Variants in SYNE1 observed in about 807,000 individuals in gnomAD.
The protein encoded by SYNE1 is nesprin-1.
Under a neutral mutation model 1,111.0 loss-of-function variants are expected in SYNE1, and 616 were observed. That is an observed-to-expected ratio of 0.55 (90% confidence interval 0.52 to 0.59). SYNE1 has a LOEUF of 0.59. Ranked by LOEUF, SYNE1 falls within the 20% of genes least tolerant of loss-of-function variation. SYNE1 has a pLI of 0.00. For synonymous variants in SYNE1, 3,855 were observed against 3,825.8 expected (o/e 1.01, Z -0.28); for missense variants, 10,006 against 10,417.0 (o/e 0.96, Z 1.72).
At chr6:152,481,820 G>A (rs79777093) in intron 14 of SYNE1, among the ~76,000 whole-genome samples, 8,103 of 150,228 alleles carry the variant, frequency 0.054, 789 homozygotes, top group African/African-American at 0.19. Flanking sequence ...GGTCCCTTAC[G>A]GCATAGCTGC....
intron 3 of SYNE1, among the ~76,000 whole-genome samples, chr6:152,588,053 G>A (rs554028460): frequency 5.9e-5 from 9 of 152,222 alleles, no homozygotes; most frequent in South Asian, 4.1e-4. Flanking sequence ...CATAGATGCC[G>A]TAAAATTTCA....
intron 3 of SYNE1, among the ~76,000 whole-genome samples, chr6:152,588,249 G>C (rs183645092): frequency 6.6e-6 from 1 of 152,242 alleles, no homozygotes; most frequent in East Asian, 1.9e-4. Flanking sequence ...AAACCCACAA[G>C]AAAATTTAAA....
intron 3 of SYNE1, among the ~76,000 whole-genome samples, chr6:152,569,724 C>T (rs12527658): frequency 2.4e-3 from 372 of 152,212 alleles, no homozygotes; most frequent in African/African-American, 8.1e-3. Flanking sequence ...GAGAGCCACA[C>T]GTATAATTAA....
intron 55 of SYNE1, among the ~76,000 whole-genome samples, chr6:152,381,728 A>G (rs1402969531): frequency 6.6e-6 from 1 of 152,174 alleles, no homozygotes; most frequent in African/African-American, 2.4e-5. Flanking sequence ...ATGCTCAAGT[A>G]AATAAAGATC....
At chr6:152,237,507 G>T (rs1461224287) in intron 108 of SYNE1, among the ~76,000 whole-genome samples, 1 of 150,910 alleles carries the variant, frequency 6.6e-6, no homozygotes. Context: ...AGAGATGGGG[G>T]TCTCACTATG....
chr6:152,430,843 G>A, intron 34 of SYNE1, 134 bp from the exon 35 acceptor site: 5 of 849,148 alleles, frequency 5.9e-6, no homozygotes, highest in South Asian at 1.4e-5. Flanking sequence ...GCGCAGCTGT[G>A]AGCAAACACC....
In SYNE1 at chr6:152,428,295, G is replaced by A. The variant is rs759856917; in HGVS notation, c.4886C>T (p.Ala1629Val). The change falls in exon 37 of 146, where the codon GCT becomes GTT. Residue 1629 changes from alanine (A) to valine (V), a missense_variant. This residue lies in a region of SYNE1 where 1,971 missense variants were observed against 2,084.1 expected (regional missense o/e 0.95). Transcript: ENST00000367255. ...VVNRDSCVQEAAALQQQYEDI... is the reference protein window; with the variant it reads ...VVNRDSCVQEVAALQQQYEDI... ...CTCGTATTGCTGCTGTAGAGCCGCA[G>A]CCTCCTGAACACAGGAATCTCTGTT... 6.2e-7 allele frequency: 1 copy of A among 1,614,142 alleles called. No homozygotes were observed. The highest frequency in any genetic ancestry group is 2.2e-5 in the East Asian group (1 of 44,878).
At position 152,321,861 on chromosome 6, in the gene SYNE1, C is replaced by A; in HGVS notation, c.15943G>T (p.Gly5315Ter). ...TTCAGCTCTTGCTTCACCAACTTTC[C>A]ATTAGTCTTCACTTTCTCCTGCATG... ...LNMQEKVKTN[G>*]KLVKQELKDR... Residue 5315 changes from glycine to a stop codon, truncating the protein, a stop_gained, in exon 83 of 146, where the codon GGA (glycine) becomes TGA (stop). Coordinates refer to ENST00000367255, the MANE Select transcript of SYNE1 (RefSeq NM_182961.4). LOFTEE classifies it high-confidence loss of function. The A allele has an allele frequency of 6.2e-7, 1 of 1,614,040 alleles. No individual in the cohort carries two copies. The highest frequency in any genetic ancestry group is 2.2e-5 in the East Asian group (1 of 44,842).
Position 152,352,384 on chromosome 6 carries a change from A to C in SYNE1, c.11254-31T>G, listed in dbSNP as rs6932325. The C allele has an allele frequency of 0.6, 960,600 of 1,599,144 alleles. 289,613 individuals carry two copies. Among genetic ancestry groups the C allele is most frequent in the East Asian group, 0.64 (28,509 of 44,756 alleles). The stretch of plus-strand genomic sequence containing the variant: ...AAAGAGAGTGAGTAGGAGCAAAGGT[A>C]GTCTTGTTTCTTTTCTTTTCTTTCT... On this transcript the variant is annotated intron_variant, in intron 69 of 145. Coordinates refer to ENST00000367255, the MANE Select transcript of SYNE1 (RefSeq NM_182961.4).
At chr6:152,590,427 G>A (rs2099555819) in intron 3 of SYNE1, among the ~76,000 whole-genome samples, 1 of 150,756 alleles carries the variant, frequency 6.6e-6, no homozygotes, top group Non-Finnish European at 1.5e-5. Context: ...TATGTTAAAT[G>A]TTTTATTTTA....
At chr6:152,279,588 C>A (rs570597367) in intron 97 of SYNE1, among the ~76,000 whole-genome samples, 1 of 151,780 alleles carries the variant, frequency 6.6e-6, no homozygotes, top group African/African-American at 2.4e-5. Context: ...CGTGGTGGCA[C>A]GTGCCTGTAC....
At chr6:152,219,900 T>G (rs944156611) in intron 119 of SYNE1, among the ~76,000 whole-genome samples, 2 of 152,250 alleles carry the variant, frequency 1.3e-5, no homozygotes, top group African/African-American at 4.8e-5. Flanking sequence ...AGTGACTGCT[T>G]CTTCTACCTG....
At chr6:152,504,486 G>A (rs984043472) in intron 9 of SYNE1, among the ~76,000 whole-genome samples, 17 of 152,240 alleles carry the variant, frequency 1.1e-4, no homozygotes, top group African/African-American at 3.9e-4. Context: ...GGAAGGGTAG[G>A]GAGGAGAGGG....
At chr6:152,576,130 G>GT (rs1595672745) in intron 3 of SYNE1, among the ~76,000 whole-genome samples, 1 of 152,200 alleles carries the variant, frequency 6.6e-6, no homozygotes, top group Admixed American at 6.5e-5. Flanking sequence ...CTTTGCTAAT[G>GT]TTAACTCTAA....
intron 11 of SYNE1, among the ~76,000 whole-genome samples, chr6:152,489,584 T>C (rs1046257241): frequency 2.6e-5 from 4 of 152,008 alleles, no homozygotes. Flanking sequence ...ATGTAGCATG[T>C]CCAGTACAGA....
intron 90 of SYNE1, among the ~76,000 whole-genome samples, chr6:152,309,427 G>C (rs1367249551): frequency 6.6e-6 from 1 of 151,862 alleles, no homozygotes; most frequent in Non-Finnish European, 1.5e-5. Context: ...CATTTTTTTA[G>C]GCACTCAAAA....
intron 66 of SYNE1, 131 bp from the exon 67 acceptor site, chr6:152,355,107 T>C: frequency 1.1e-6 from 1 of 919,014 alleles, no homozygotes. Flanking sequence ...TATTATGCCC[T>C]ATACAAAAAT....
intron 3 of SYNE1, among the ~76,000 whole-genome samples, chr6:152,568,314 T>TTTC (rs2099427632): frequency 9.9e-6 from 1 of 101,024 alleles, no homozygotes; most frequent in South Asian, 3.4e-4. Context: ...TTTTTTTTTT[T>TTTC]GAGATAGCAT....
intron 95 of SYNE1, among the ~76,000 whole-genome samples, chr6:152,286,655 T>G (rs1212663706): frequency 6.6e-6 from 1 of 152,238 alleles, no homozygotes; most frequent in Non-Finnish European, 1.5e-5. Flanking sequence ...GAGTTGTTCC[T>G]TTTCTTATTG....
Sources: allele counts gnomAD v4.1 joint callset (sites outside exome capture counted in the v4.1 genomes callset), GRCh38; gene constraint gnomAD v4.1.1; regional missense constraint gnomAD v4.1.1; transcripts MANE v1.5; gene names NCBI Gene and HGNC (gene_info 2026-07-23, HGNC 2026-07-21).